ZNF521: variants seen among roughly 807,000 people sequenced by gnomAD.
ZNF521 encodes the protein zinc finger protein 521.
Under a neutral mutation model 105.5 loss-of-function variants are expected in ZNF521, and 14 were observed. The ratio of observed to expected loss-of-function variants is 0.13; its 90% CI spans 0.09 to 0.21. ZNF521 has a LOEUF of 0.21. Ranked by LOEUF, ZNF521 falls within the 10% of genes least tolerant of loss-of-function variation. ZNF521 has a pLI of 1.00. For synonymous variants in ZNF521, 635 were observed against 606.0 expected, an observed-to-expected ratio of 1.05 and a Z score of -0.70; for missense variants, 1,233 against 1,629.7, an observed-to-expected ratio of 0.76 and a Z score of 4.19.
rs67381140 is a variant in ZNF521 at position 25,273,220 on chromosome 18, CAAAAA to C, written c.221-45528_221-45524del. On this transcript the variant is annotated intron_variant, in intron 3 of 7. Coordinates refer to ENST00000361524, the MANE Select transcript of ZNF521 (RefSeq NM_015461.3). ...CCCAAGAGGAGTGAAACCCTGTCTC[CAAAAA>C]AAAAAAAAAAAAAAAAAAAAAAAAA... Among the ~76,000 whole-genome samples, 50 of 40,874 alleles carry C rather than the reference CAAAAA, an allele frequency of 1.2e-3. 1 individual carries two copies. The East Asian group carries it at 0.036, about 30-fold the overall frequency. The allele number at this position is 40,874 out of a possible 152,430, so 26.8% of individuals were successfully genotyped here.
intron 3 of ZNF521, chr18:25,302,891 G>A (rs1396399186): frequency 6.6e-6 from 1 of 152,080 alleles, no homozygotes; most frequent in African/African-American, 2.4e-5. Context: ...CATGACATTA[G>A]ACGAAAAAAA....
chr18:25,097,837 T>A (rs1197815952), intron 5 of ZNF521, among the ~76,000 whole-genome samples: 2 of 152,220 alleles, frequency 1.3e-5, no homozygotes, highest in Non-Finnish European at 2.9e-5. Flanking sequence ...AAGGCTACAA[T>A]GCTTTTGGAC....
At chr18:25,104,147 G>A (rs1274782071) in intron 5 of ZNF521, among the ~76,000 whole-genome samples, 2 of 151,872 alleles carry the variant, frequency 1.3e-5, no homozygotes, top group African/African-American at 4.8e-5. Flanking sequence ...TATGTCTGGG[G>A]CACAATAAAT....
At chr18:25,205,606 C>G (rs1015819144) in intron 4 of ZNF521, among the ~76,000 whole-genome samples, 1 of 152,134 alleles carries the variant, frequency 6.6e-6, no homozygotes, top group Non-Finnish European at 1.5e-5. Flanking sequence ...AGTATGTAAG[C>G]ACACTGCATC....
intron 5 of ZNF521, among the ~76,000 whole-genome samples, chr18:25,174,845 T>C (rs1567994753): frequency 6.6e-6 from 1 of 152,216 alleles, no homozygotes; most frequent in Admixed American, 6.5e-5. Context: ...ATGACTGTCA[T>C]TAATTTCTAA....
At chr18:25,316,679 T>C (rs985166540) in intron 3 of ZNF521, among the ~76,000 whole-genome samples, 1 of 152,130 alleles carries the variant, frequency 6.6e-6, no homozygotes, top group Non-Finnish European at 1.5e-5. Context: ...GGATCGTTCC[T>C]GATTTCATTT....
At chr18:25,194,165 T>C (rs2035864987) in intron 5 of ZNF521, among the ~76,000 whole-genome samples, 1 of 151,776 alleles carries the variant, frequency 6.6e-6, no homozygotes, top group South Asian at 2.1e-4. Context: ...ACTGTTGAAT[T>C]TTCTTTCCTG....
Position 25,117,082 on chromosome 18 carries a change from C to CACACACACACAT in ZNF521, c.3659-25002_3659-25001insATGTGTGTGTGT, listed in dbSNP as rs1449131209. 1.5e-3 allele frequency among the ~76,000 whole-genome samples: 120 copies of CACACACACACAT among 81,274 alleles called. 1 individual carries two copies. Among genetic ancestry groups the CACACACACACAT allele is most frequent in the Admixed American group, 2.5e-3 (22 of 8,764 alleles). 53.3% of individuals were successfully genotyped at this position (81,274 alleles called of 152,430 possible). A position where few individuals can be genotyped will look rare whatever the true frequency, so the allele number is the denominator to read the frequency against. ...ACACACACACACACACACACACACA[C>CACACACACACAT]ATACACACATCCTTAATTAGATTGC... On this transcript the variant is annotated intron_variant, in intron 5 of 7. Coordinates refer to ENST00000361524, the MANE Select transcript of ZNF521 (RefSeq NM_015461.3).
intron 5 of ZNF521, among the ~76,000 whole-genome samples, chr18:25,164,887 A>G (rs1202758471): frequency 6.6e-6 from 1 of 152,184 alleles, no homozygotes; most frequent in African/African-American, 2.4e-5. Flanking sequence ...AATGCAATAC[A>G]CCTGGATAGG....
intron 3 of ZNF521, among the ~76,000 whole-genome samples, chr18:25,296,361 T>C (rs1911318209): frequency 1.3e-5 from 2 of 152,192 alleles, no homozygotes; most frequent in Admixed American, 1.3e-4. Context: ...TATCTAGAGA[T>C]ACTTTTGCAC....
chr18:25,168,597 C>G (rs1404951221), intron 5 of ZNF521, among the ~76,000 whole-genome samples: 2 of 152,126 alleles, frequency 1.3e-5, no homozygotes, highest in East Asian at 3.9e-4. Flanking sequence ...GGGGAGAAGA[C>G]AGTTAAATAT....
chr18:25,206,288 G>A (rs925293484), intron 4 of ZNF521, among the ~76,000 whole-genome samples: 17 of 152,092 alleles, frequency 1.1e-4, no homozygotes, highest in African/African-American at 4.1e-4. Context: ...GATTACAGGT[G>A]TAAGCCAGAG....
intron 3 of ZNF521, among the ~76,000 whole-genome samples, chr18:25,247,070 T>C (rs1907772851): frequency 6.6e-6 from 1 of 152,150 alleles, no homozygotes; most frequent in Admixed American, 6.5e-5. Context: ...AGTCATCAAT[T>C]CCATAATGAT....
intron 3 of ZNF521, chr18:25,231,350 G>A (rs1281052207): frequency 6.6e-6 from 1 of 151,152 alleles, no homozygotes; most frequent in African/African-American, 2.4e-5. Flanking sequence ...TGGAAACTCA[G>A]TTAGCAGCAG....
At chr18:25,235,423 G>A (rs185153457) in intron 3 of ZNF521, among the ~76,000 whole-genome samples, 261 of 152,192 alleles carry the variant, frequency 1.7e-3, no homozygotes, top group African/African-American at 3.2e-3. Flanking sequence ...AACTAAGTTC[G>A]GAAATGGCTT....
chr18:25,063,366 C>T (rs917221863), intron 7 of ZNF521, among the ~76,000 whole-genome samples: 3 of 152,012 alleles, frequency 2.0e-5, no homozygotes, highest in Non-Finnish European at 2.9e-5. Context: ...GTGGTCATAC[C>T]GTGGCTCAGG....
chr18:25,226,446 G>C lies in ZNF521; in HGVS notation c.1472C>G (p.Thr491Ser), dbSNP rs1386584881. ...FCSEVVNDLN[T>S]LQEHIRCSHG... ...AGAACATCGGATGTGTTCCTGAAGA[G>C]TGTTGAGGTCGTTGACAACTTCGGA... Residue 491 changes from threonine (T) to serine (S), a missense_variant, in exon 4 of 8, where the codon ACT (threonine) becomes AGT (serine). By Grantham distance (58) the Thr-to-Ser change is moderately conservative (BLOSUM62 1). Coordinates refer to ENST00000361524, the MANE Select transcript of ZNF521 (RefSeq NM_015461.3). The surrounding 1 kb of genome is among the most constrained non-coding windows in gnomAD (Gnocchi z 4.1). The C allele has an allele frequency of 6.2e-7, 1 of 1,614,108 alleles. No individual in the cohort carries two copies. The highest frequency in any genetic ancestry group is 8.5e-7 in the Non-Finnish European group (1 of 1,180,048).
At chr18:25,291,773 G>A (rs7232219) in intron 3 of ZNF521, among the ~76,000 whole-genome samples, 3 of 152,058 alleles carry the variant, frequency 2.0e-5, no homozygotes, top group East Asian at 1.9e-4. Flanking sequence ...TCTACAAGTG[G>A]TATTCCTATT....
chr18:25,195,108 T>C lies in ZNF521; in HGVS notation c.3658+52A>G, dbSNP rs1047623184. ...TCTTTAACTCTGTTTAATGGTGATA[T>C]ACACAAGCAGAAGAAACATCTATCT... On this transcript the variant is annotated intron_variant, in intron 5 of 7. Coordinates refer to ENST00000361524, the MANE Select transcript of ZNF521 (RefSeq NM_015461.3). 3.0e-6 allele frequency: 4 copies of C among 1,329,062 alleles called. No individual in the cohort carries two copies. In the African/African-American group the frequency reaches 5.9e-5, roughly 20 times the overall value. The allele number at this position is 1,329,062 out of a possible 1,614,324, so 82.3% of individuals were successfully genotyped here.
Sources: gnomAD v4.1 joint callset for allele counts (sites outside exome capture counted in the v4.1 genomes callset) on GRCh38, gnomAD v4.1.1 for gene constraint, Gnocchi (gnomAD v3.1) non-coding constraint, MANE v1.5 for transcripts, NCBI Gene and HGNC (gene_info 2026-07-23, HGNC 2026-07-21) for gene names.